Variants in CFAP299 observed in about 807,000 individuals in gnomAD.
CFAP299 encodes the protein cilia and flagella associated protein 299.
In CFAP299, 21 loss-of-function variants were observed where a neutral mutation model predicts 27.0. The ratio of observed to expected loss-of-function variants is 0.78; its 90% CI spans 0.55 to 1.12. The LOEUF (loss-of-function observed/expected upper bound fraction) is 1.12, where lower values mean the gene tolerates loss of function less well. Ranked by LOEUF, CFAP299 falls within the 50% of genes most tolerant of loss-of-function variation. The probability of loss-of-function intolerance (pLI) is 0.00; values close to 1 mark genes in which losing one functional copy is unlikely to be tolerated. For missense variants in CFAP299, 310 were observed against 276.6 expected (o/e 1.12, Z -0.86); for synonymous variants, 104 against 98.1 (o/e 1.06, Z -0.36).
In CFAP299 at chr4:80,389,124, C is replaced by T. The variant is rs574977443; in HGVS notation, c.242+26240C>T. ...TAAGGAATTTCTAATACGAAATCCT[C>T]CTTTTATGCCTGGGATAAGCTCAAC... On this transcript the variant is annotated intron_variant, in intron 2 of 5. Coordinates refer to ENST00000358105, the MANE Select transcript of CFAP299 (RefSeq NM_152770.3). Among the ~76,000 whole-genome samples, 342 of 152,234 alleles carry T rather than the reference C, an allele frequency of 2.2e-3. 2 individuals are homozygous for T. Among genetic ancestry groups the T allele is most frequent in the Non-Finnish European group, 3.8e-3 (261 of 67,998 alleles).
At chr4:80,338,067 T>C (rs1256428846) in intron 1 of CFAP299, among the ~76,000 whole-genome samples, 2 of 152,172 alleles carry the variant, frequency 1.3e-5, no homozygotes, top group East Asian at 3.9e-4. Flanking sequence ...TGGATCATGC[T>C]AAGTGAGCTG....
intron 3 of CFAP299, chr4:80,608,404 A>G (rs928131915): frequency 2.7e-6 from 4 of 1,486,046 alleles, no homozygotes; most frequent in Non-Finnish European, 3.6e-6. Flanking sequence ...CTTATGGAAA[A>G]GTTTCCTTTA....
chr4:80,645,724 C>T (rs1447786786), intron 3 of CFAP299, among the ~76,000 whole-genome samples: 3 of 152,116 alleles, frequency 2.0e-5, no homozygotes, highest in Non-Finnish European at 2.9e-5. Context: ...TAAATAGCTT[C>T]CTGTCTCTTG....
intron 2 of CFAP299, among the ~76,000 whole-genome samples, chr4:80,373,024 A>G (rs1463182130): frequency 1.3e-5 from 2 of 152,152 alleles, no homozygotes; most frequent in Non-Finnish European, 2.9e-5. Context: ...GGTAGTCTAC[A>G]CTTATTCTCC....
intron 4 of CFAP299, among the ~76,000 whole-genome samples, chr4:80,873,372 A>G (rs1733210799): frequency 1.3e-5 from 2 of 152,158 alleles, no homozygotes; most frequent in South Asian, 4.1e-4. Flanking sequence ...AGCTGCTACT[A>G]TTATGAAATG....
chr4:80,928,199 C>T (rs989118465), intron 4 of CFAP299, among the ~76,000 whole-genome samples: 1 of 152,046 alleles, frequency 6.6e-6, no homozygotes, highest in Non-Finnish European at 1.5e-5. Context: ...TGCTCTTTAG[C>T]TGCACGTCTC....
intron 2 of CFAP299, among the ~76,000 whole-genome samples, chr4:80,432,853 AG>A (rs1412662399): frequency 6.6e-6 from 1 of 152,122 alleles, no homozygotes; most frequent in Non-Finnish European, 1.5e-5. Context: ...TTTCTGTGCA[AG>A]GTAATAAAAA....
chr4:80,415,903 T>C lies in CFAP299; in HGVS notation c.242+53019T>C, dbSNP rs142107491. On this transcript the variant is annotated intron_variant, in intron 2 of 5. Coordinates refer to ENST00000358105, the MANE Select transcript of CFAP299 (RefSeq NM_152770.3). The stretch of plus-strand genomic sequence containing the variant: ...CATACATGGGGTGATTACTATAGGC[T>C]GAAATTGATTTGTTTTGTTTGATTT... Among the ~76,000 whole-genome samples the C allele has an allele frequency of 1.7e-3, 252 of 152,292 alleles. 3 individuals are homozygous for C. The highest frequency in any genetic ancestry group is 5.9e-3 in the African/African-American group (244 of 41,576).
In CFAP299 at chr4:80,485,459, A is replaced by G. The variant is rs993513115; in HGVS notation, c.243-97634A>G. ...TCCAGAAACCAAAATACATGTGTGG[A>G]CTTTGTTATGATCACAACTTTAATA... On this transcript the variant is annotated intron_variant, in intron 2 of 5. Coordinates refer to ENST00000358105, the MANE Select transcript of CFAP299 (RefSeq NM_152770.3). Among the ~76,000 whole-genome samples the G allele has an allele frequency of 3.3e-5, 5 of 151,950 alleles. No homozygotes were observed. The East Asian group carries it at 9.6e-4, about 29-fold the overall frequency.
intron 3 of CFAP299, among the ~76,000 whole-genome samples, chr4:80,616,473 G>A (rs1035585104): frequency 1.3e-5 from 2 of 151,630 alleles, no homozygotes; most frequent in African/African-American, 4.9e-5. Flanking sequence ...AACTGAAAGG[G>A]CTGTAGAGAT....
At chr4:80,947,635 T>C (rs1737542472) in intron 5 of CFAP299, among the ~76,000 whole-genome samples, 1 of 152,176 alleles carries the variant, frequency 6.6e-6, no homozygotes, top group South Asian at 2.1e-4. Flanking sequence ...GCCTGTGTGA[T>C]TCTGCTACAG....
rs567509296 is a variant in CFAP299 at position 80,429,010 on chromosome 4, T to C, written c.242+66126T>C. Among the ~76,000 whole-genome samples, 5 of 152,342 alleles carry C rather than the reference T, an allele frequency of 3.3e-5. No homozygotes were observed. The South Asian group carries it at 1.0e-3, about 32-fold the overall frequency. The stretch of plus-strand genomic sequence containing the variant: ...TTTAGAAAGAGCATGAGGTTATTTA[T>C]GGGATGAGCATTTGACAAGTTCACA... On this transcript the variant is annotated intron_variant, in intron 2 of 5. Transcript: ENST00000358105.
intron 3 of CFAP299, among the ~76,000 whole-genome samples, chr4:80,832,210 G>T (rs1191992248): frequency 6.6e-6 from 1 of 152,108 alleles, no homozygotes; most frequent in South Asian, 2.1e-4. Context: ...AGCAGTACAG[G>T]ATACGCACTA....
At chr4:80,652,943 A>G (rs1347697303) in intron 3 of CFAP299, among the ~76,000 whole-genome samples, 1 of 152,174 alleles carries the variant, frequency 6.6e-6, no homozygotes, top group African/African-American at 2.4e-5. Flanking sequence ...TTTTCCACAT[A>G]GGGAATCAGG....
At chr4:80,930,981 G>C (rs1170220058) in intron 4 of CFAP299, among the ~76,000 whole-genome samples, 3 of 151,952 alleles carry the variant, frequency 2.0e-5, no homozygotes, top group African/African-American at 4.8e-5. Flanking sequence ...TAGCATTCCA[G>C]GCATTCTTGT....
intron 1 of CFAP299, among the ~76,000 whole-genome samples, chr4:80,349,631 G>A (rs1722922305): frequency 6.6e-6 from 1 of 151,990 alleles, no homozygotes; most frequent in East Asian, 1.9e-4. Context: ...ATTTGTTATA[G>A]GACTGCAACG....
chr4:80,427,048 T>C (rs1049475075), intron 2 of CFAP299, among the ~76,000 whole-genome samples: 2 of 152,198 alleles, frequency 1.3e-5, no homozygotes. Flanking sequence ...ATCAAACTTG[T>C]CATCAGTAAA....
At chr4:80,484,556 T>A (rs1430715967) in intron 2 of CFAP299, among the ~76,000 whole-genome samples, 1 of 152,186 alleles carries the variant, frequency 6.6e-6, no homozygotes, top group African/African-American at 2.4e-5. Flanking sequence ...AATGCCATAA[T>A]ACAATGAATA....
At chr4:80,727,514 T>C (rs1407093039) in intron 3 of CFAP299, among the ~76,000 whole-genome samples, 1 of 152,100 alleles carries the variant, frequency 6.6e-6, no homozygotes, top group Non-Finnish European at 1.5e-5. Flanking sequence ...TGAGCCAGAC[T>C]AGCTGAATTC....
Sources: allele counts gnomAD v4.1 joint callset (sites outside exome capture counted in the v4.1 genomes callset), GRCh38; gene constraint gnomAD v4.1.1; transcripts MANE v1.5; gene names NCBI Gene and HGNC (gene_info 2026-07-23, HGNC 2026-07-21).